Variants in TPM3 observed in about 807,000 individuals in gnomAD.
TPM3 encodes the protein tropomyosin alpha-3 chain.
In TPM3, 16 loss-of-function variants were observed where a neutral mutation model predicts 43.1. That is an observed-to-expected ratio of 0.37 (90% confidence interval 0.25 to 0.56). TPM3 has a LOEUF of 0.56. TPM3 is among the 20% of genes least tolerant of loss of function. The probability of loss-of-function intolerance (pLI) is 0.77; values close to 1 mark genes in which losing one functional copy is unlikely to be tolerated. For missense variants in TPM3, 176 were observed against 337.2 expected (o/e 0.52, Z 3.74); for synonymous variants, 101 against 116.9 (o/e 0.86, Z 0.88).
chr1:154,164,293 A>G lies in TPM3; in HGVS notation c.*3644T>C, dbSNP rs1660720985. On this transcript the variant is annotated 3_prime_UTR_variant, in exon 10 of 10. Coordinates refer to ENST00000651641, the MANE Select transcript of TPM3 (RefSeq NM_152263.4). ...CCTCTGGCTTCGGCCCTCCAAGTAG[A>G]TAGGACTGCAGGCACGCACCACCAT... Among the ~76,000 whole-genome samples, 1 of 151,958 alleles carries G rather than the reference A, an allele frequency of 6.6e-6. No homozygotes were observed. Among genetic ancestry groups the G allele is most frequent in the Non-Finnish European group, 1.5e-5 (1 of 68,004 alleles).
rs1051209 is a variant in TPM3, at chr1:154,170,658, T to A, written c.696A>T (p.Lys232Asn). ...AATCCCCTCAGCTCACCTCCTTGAG[T>A]TTATCAGTAAGAATCTTGATTTCTT... ...YEEEIKILTD[K>N]LKEAETRAEF... The change falls in exon 7 of 10, where the codon AAA (lysine) becomes AAT (asparagine). Residue 232 changes from lysine to asparagine, a missense_variant. Physicochemically the swap from Lys to Asn is moderately conservative, Grantham distance 94. Coordinates refer to ENST00000651641, the MANE Select transcript of TPM3 (RefSeq NM_152263.4). 6.2e-7 allele frequency: 1 copy of A among 1,612,794 alleles called. No individual in the cohort carries two copies. The highest frequency in any genetic ancestry group is 8.5e-7 in the Non-Finnish European group (1 of 1,179,174).
At chr1:154,183,155 T>A (rs764724952) in intron 2 of TPM3, 1 of 1,597,574 alleles carries the variant, frequency 6.3e-7, no homozygotes, top group African/African-American at 1.3e-5. Context: ...CTCCGGTTCC[T>A]GCCTCCTCCG....
At chr1:154,169,560 C>T (rs1330134938) in intron 8 of TPM3, 177 bp from the exon 9 acceptor site, 1 of 644,082 alleles carries the variant, frequency 1.6e-6, no homozygotes, top group Non-Finnish European at 2.8e-6. Context: ...CTACTCTCTC[C>T]TATGACCAAC....
In TPM3 at chr1:154,167,315, T is replaced by C; in HGVS notation, c.*622A>G. 2 of 1,054,104 alleles carry C rather than the reference T, an allele frequency of 1.9e-6. No individual in the cohort carries two copies. The highest frequency in any genetic ancestry group is 1.1e-6 in the Non-Finnish European group (1 of 872,294). 65.3% of individuals were successfully genotyped at this position (1,054,104 alleles called of 1,614,324 possible). A position where few individuals can be genotyped will look rare whatever the true frequency, so the allele number is the denominator to read the frequency against. On this transcript the variant is annotated 3_prime_UTR_variant, in exon 10 of 10. Coordinates refer to ENST00000651641, the MANE Select transcript of TPM3 (RefSeq NM_152263.4). ...ATTAGTCAATCTTAGCAATAATGTA[T>C]TGGGTTCACTGGGTGTTCTGAGGAT...
At chr1:154,159,990 CCT>C (rs1491444882), downstream of TPM3, among the ~76,000 whole-genome samples, 75 of 126,022 alleles carry the variant, frequency 6.0e-4, no homozygotes, top group Non-Finnish European at 9.0e-4. Flanking sequence ...TAAGTTATTT[CCT>C]TTTTTTTTTT....
Position 154,191,993 on chromosome 1 carries a change from A to G in TPM3, c.26T>C (p.Met9Thr). 2 of 1,613,844 alleles carry G rather than the reference A, an allele frequency of 1.2e-6. No homozygotes were observed. Among genetic ancestry groups the G allele is most frequent in the South Asian group, 1.1e-5 (1 of 91,084 alleles). Residue 9 changes from methionine (M) to threonine (T), a missense_variant, in exon 1 of 10, where the codon ATG becomes ACG. This residue lies in a region of TPM3 where 82 missense variants were observed against 148.8 expected (regional missense o/e 0.55). Coordinates refer to ENST00000651641, the MANE Select transcript of TPM3 (RefSeq NM_152263.4). MMEAIKKK[M>T]QMLKLDKENA... ...CTCCTTGTCTAACTTCAGCATCTGC[A>G]TCTTTTTCTTGATGGCCTCCATCAT...
chr1:154,171,826 G>A (rs1661609990), intron 5 of TPM3: 2 of 688,518 alleles, frequency 2.9e-6, no homozygotes, highest in South Asian at 3.4e-5. Flanking sequence ...CCAAAGGAAG[G>A]AGACCCTGTG....
downstream of TPM3, chr1:154,155,321 C>CTTTAATTTCTTCCAGT (rs1659684627): frequency 2.2e-6 from 1 of 445,774 alleles, no homozygotes; most frequent in Non-Finnish European, 4.1e-6. Flanking sequence ...AAAAAAAACC[C>CTTTAATTTCTTCCAGT]TTTAATTTCT....
At chr1:154,172,602 C>G (rs1424707365) in intron 5 of TPM3, 1 of 454,986 alleles carries the variant, frequency 2.2e-6, no homozygotes, top group Non-Finnish European at 4.1e-6. Context: ...ATGTCTTCCA[C>G]CCCAGGTGGA....
chr1:154,171,577 C>T (rs1661579804), intron 5 of TPM3, 89 bp from the exon 6 acceptor site: 4 of 1,419,908 alleles, frequency 2.8e-6, no homozygotes, highest in Non-Finnish European at 3.9e-6. Context: ...TGAATTGAAC[C>T]TATATGTAGA....
Position 154,162,871 on chromosome 1 carries a change from A to G in TPM3, c.*5066T>C, listed in dbSNP as rs1660526496. The stretch of plus-strand genomic sequence containing the variant: ...AGATACCACAGATCAGAGCTATAAC[A>G]CCTTACTTTTCTCCCAATCTCCCTC... On this transcript the variant is annotated 3_prime_UTR_variant, in exon 10 of 10. Coordinates refer to ENST00000651641, the MANE Select transcript of TPM3 (RefSeq NM_152263.4). Among the ~76,000 whole-genome samples the G allele has an allele frequency of 6.6e-6, 1 of 152,084 alleles. No individual in the cohort carries two copies. Among genetic ancestry groups the G allele is most frequent in the Non-Finnish European group, 1.5e-5 (1 of 68,024 alleles).
chr1:154,170,718 GA>G lies in TPM3; in HGVS notation c.643-8del. ...TATCTTCTTTTTGAGAGTACTGTAA[GA>G]TAAGTAGATTAAAAATTTCAGAGTA... On this transcript the variant is annotated splice_polypyrimidine_tract_variant and splice_region_variant and intron_variant, in intron 6 of 9. Transcript: ENST00000651641. The G allele has an allele frequency of 6.3e-7, 1 of 1,589,826 alleles. No individual in the cohort carries two copies.
rs558156188 is a variant in TPM3 at position 154,165,199 on chromosome 1, T to C, written c.*2738A>G. On this transcript the variant is annotated 3_prime_UTR_variant, in exon 10 of 10. Coordinates refer to ENST00000651641, the MANE Select transcript of TPM3 (RefSeq NM_152263.4). ...GAGTTCGCGACCAGCCTGGCCAACA[T>C]GCTGAAACCCCGTCCGTACTAAAAA... Among the ~76,000 whole-genome samples the C allele has an allele frequency of 2.0e-5, 3 of 151,666 alleles. No homozygotes were observed. The East Asian group carries it at 5.9e-4, about 30-fold the overall frequency.
In TPM3 at chr1:154,162,136, C is replaced by T. The variant is rs1276326541; in HGVS notation, c.*5801G>A. On this transcript the variant is annotated 3_prime_UTR_variant, in exon 10 of 10. Coordinates refer to ENST00000651641, the MANE Select transcript of TPM3 (RefSeq NM_152263.4). ...CTGTAACCCCAGCACTTTGGAAGGC[C>T]GAGGCGGGCAGATCACGAGGTCAGG... Among the ~76,000 whole-genome samples, 1 of 151,800 alleles carries T rather than the reference C, an allele frequency of 6.6e-6. No individual in the cohort carries two copies. The highest frequency in any genetic ancestry group is 2.4e-5 in the African/African-American group (1 of 41,310).
chr1:154,159,153 G>A, downstream of TPM3: 1 of 715,210 alleles, frequency 1.4e-6, no homozygotes, highest in South Asian at 1.4e-5. Context: ...TAAATTATGA[G>A]TCTTTCAACT....
In TPM3 at chr1:154,191,386, G is replaced by A. The variant is rs1160835740; in HGVS notation, c.118-75C>T. Reference sequence around the variant, plus strand: ...CAGGGTTGGACCCTGGGCTCTTGGAGCCCTGAGTGTAACCTCCATGTTACC... The same window carrying A: ...CAGGGTTGGACCCTGGGCTCTTGGAACCCTGAGTGTAACCTCCATGTTACC... On this transcript the variant is annotated intron_variant, in intron 1 of 9. Transcript: ENST00000651641. The A allele has an allele frequency of 2.5e-6, 4 of 1,604,976 alleles. No individual in the cohort carries two copies. In the African/African-American group the frequency reaches 4.0e-5, roughly 16 times the overall value.
chr1:154,185,094 AGATGTGGTGGCTCATGCCT>A (rs2148287240), intron 2 of TPM3, among the ~76,000 whole-genome samples: 1 of 152,178 alleles, frequency 6.6e-6, no homozygotes, highest in African/African-American at 2.4e-5. Flanking sequence ...CCCTTTGGCC[AGATGTGGTGGCTCATGCCT>A]GTAATCCCAG....
chr1:154,159,885 G>C (rs1475596500), downstream of TPM3, among the ~76,000 whole-genome samples: 1 of 151,490 alleles, frequency 6.6e-6, no homozygotes, highest in Non-Finnish European at 1.5e-5. Flanking sequence ...AAGACCAAGA[G>C]AATCATGGAA....
rs988509565 is a variant in TPM3 at position 154,164,347 on chromosome 1, G to C, written c.*3590C>G. On this transcript the variant is annotated 3_prime_UTR_variant, in exon 10 of 10. Coordinates refer to ENST00000651641, the MANE Select transcript of TPM3 (RefSeq NM_152263.4). ...TGGCTAAGTTTTTATATTTTGTAGA[G>C]ACAGGTTCTCACTTTATTGCCAGGC... Among the ~76,000 whole-genome samples the C allele has an allele frequency of 1.3e-5, 2 of 151,998 alleles. No homozygotes were observed. The highest frequency in any genetic ancestry group is 2.4e-5 in the African/African-American group (1 of 41,382).
Sources: gnomAD v4.1 joint callset for allele counts (sites outside exome capture counted in the v4.1 genomes callset) on GRCh38, gnomAD v4.1.1 for gene constraint, gnomAD v4.1.1 regional missense constraint, MANE v1.5 for transcripts, NCBI Gene and HGNC (gene_info 2026-07-23, HGNC 2026-07-21) for gene names.